Variants in VAV2 observed in about 807,000 individuals in gnomAD.
VAV2 encodes the protein vav guanine nucleotide exchange factor 2, also known as guanine nucleotide exchange factor VAV2.
VAV2 carries 67 observed loss-of-function variants against 132.5 expected under a neutral mutation model. The ratio of observed to expected loss-of-function variants is 0.51; its 90% CI spans 0.42 to 0.62. The LOEUF (loss-of-function observed/expected upper bound fraction) is 0.62. Among genes scored for constraint, VAV2 ranks in the 20% least tolerant of loss-of-function variants. The pLI, the probability that VAV2 is intolerant of heterozygous loss-of-function variation, is 0.00. For synonymous variants in VAV2, 492 were observed against 443.5 expected (o/e 1.11, Z -1.37); for missense variants, 938 against 1,153.6 (o/e 0.81, Z 2.71).
intron 2 of VAV2, among the ~76,000 whole-genome samples, chr9:133,869,257 G>T (rs1383203389): frequency 6.6e-6 from 1 of 151,902 alleles, no homozygotes; most frequent in East Asian, 1.9e-4. Context: ...CAAAGTGCCG[G>T]GATTACAGGC....
intron 19 of VAV2, 122 bp downstream of exon 19, chr9:133,783,381 G>T: frequency 1.1e-6 from 1 of 887,006 alleles, no homozygotes; most frequent in Non-Finnish European, 1.9e-6. Context: ...GTGAGCACTG[G>T]TGCCCTCATC....
rs752687596 is a variant in VAV2 at position 133,768,936 on chromosome 9, T to A, written c.2435-340A>T. 3.9e-5 allele frequency among the ~76,000 whole-genome samples: 6 copies of A among 152,078 alleles called. No homozygotes were observed. Among genetic ancestry groups the A allele is most frequent in the Non-Finnish European group, 7.4e-5 (5 of 68,012 alleles). On this transcript the variant is annotated intron_variant, in intron 28 of 29. Transcript: ENST00000371850. The surrounding 1 kb of genome is among the most constrained non-coding windows in gnomAD (Gnocchi z 5.3). Reference sequence around the variant, plus strand: ...GAACCAGCTTGGCCCAGATGCAGAATCCTGATAGACAGGTGACAATGACCA... The same window carrying A: ...GAACCAGCTTGGCCCAGATGCAGAAACCTGATAGACAGGTGACAATGACCA...
chr9:133,785,089 C>T (rs775516046), intron 17 of VAV2, among the ~76,000 whole-genome samples: 19 of 152,150 alleles, frequency 1.2e-4, no homozygotes, highest in African/African-American at 2.9e-4. Flanking sequence ...TCTATTCTCA[C>T]GAGCCAGGCC....
At chr9:133,864,957 T>C (rs1338520158) in intron 2 of VAV2, among the ~76,000 whole-genome samples, 1 of 152,218 alleles carries the variant, frequency 6.6e-6, no homozygotes, top group Non-Finnish European at 1.5e-5. Flanking sequence ...CTTCAGGTTG[T>C]AGGCCCATCA....
chr9:133,774,887 G>A, intron 25 of VAV2, 48 bp downstream of exon 25: 1 of 1,541,076 alleles, frequency 6.5e-7, no homozygotes, highest in Non-Finnish European at 8.9e-7. Context: ...CTCCACTTCA[G>A]AACGGCATTG....
At chr9:133,923,529 T>C (rs1255666978) in intron 2 of VAV2, among the ~76,000 whole-genome samples, 2 of 152,200 alleles carry the variant, frequency 1.3e-5, no homozygotes, top group African/African-American at 4.8e-5. Flanking sequence ...ATAGGAACGC[T>C]TTTACACTGT....
chr9:133,947,613 C>T (rs996417865), intron 1 of VAV2, among the ~76,000 whole-genome samples: 28 of 150,708 alleles, frequency 1.9e-4, no homozygotes, highest in Non-Finnish European at 7.4e-5. Flanking sequence ...GCAGAAGAAT[C>T]GATTGAACTC....
In VAV2 at chr9:133,852,100, C is replaced by A. The variant is rs141998905; in HGVS notation, c.380+9274G>T. On this transcript the variant is annotated intron_variant, in intron 3 of 29. Coordinates refer to ENST00000371850, the MANE Select transcript of VAV2 (RefSeq NM_001134398.2). ...ACGGGCTGATGAGTGGACAGATGGA[C>A]AAACTGAAGAATGGATGGGTGGATG... Among the ~76,000 whole-genome samples the A allele has an allele frequency of 3.3e-3, 502 of 151,082 alleles. 1 individual carries two copies. Among genetic ancestry groups the A allele is most frequent in the Non-Finnish European group, 5.6e-3 (378 of 67,800 alleles).
chr9:133,805,222 T>C (rs1409444279), intron 9 of VAV2, among the ~76,000 whole-genome samples: 1 of 152,126 alleles, frequency 6.6e-6, no homozygotes, highest in South Asian at 2.1e-4. Flanking sequence ...AAGATGCACC[T>C]GTGGGGTCTT....
intron 1 of VAV2, among the ~76,000 whole-genome samples, chr9:133,974,408 C>T (rs1171316877): frequency 1.3e-5 from 2 of 152,154 alleles, no homozygotes; most frequent in Admixed American, 6.5e-5. Flanking sequence ...TGGGAGTGGA[C>T]GTCAGGTGAG....
chr9:133,764,132 G>T, intron 29 of VAV2, 23 bp from the exon 30 acceptor site: 1 of 1,586,132 alleles, frequency 6.3e-7, no homozygotes, highest in Non-Finnish European at 8.6e-7. Flanking sequence ...GTAAGATCGT[G>T]TCTGTGTGTG....
At chr9:133,795,607 G>A in intron 12 of VAV2, 61 bp downstream of exon 12, 1 of 1,591,526 alleles carries the variant, frequency 6.3e-7, no homozygotes, top group Non-Finnish European at 8.6e-7. Context: ...CCCAATTCCA[G>A]TCCAAGAACA....
intron 2 of VAV2, among the ~76,000 whole-genome samples, chr9:133,938,047 G>A (rs902487020): frequency 1.3e-5 from 2 of 152,212 alleles, no homozygotes; most frequent in African/African-American, 2.4e-5. Context: ...TCTCAGAACC[G>A]ACTTCTCAGC....
intron 2 of VAV2, among the ~76,000 whole-genome samples, chr9:133,907,179 C>G (rs182806636): frequency 6.6e-6 from 1 of 152,240 alleles, no homozygotes; most frequent in South Asian, 2.1e-4. Flanking sequence ...TGCCAGCCCA[C>G]GCTGGGCACA....
At chr9:133,990,338 C>T (rs1231419151) in intron 1 of VAV2, among the ~76,000 whole-genome samples, 1 of 152,154 alleles carries the variant, frequency 6.6e-6, no homozygotes, top group Admixed American at 6.5e-5. Flanking sequence ...GCTGCCTGGC[C>T]AATGGCTCCA....
chr9:133,964,070 A>ATATGTATAT (rs1564507864), intron 1 of VAV2, among the ~76,000 whole-genome samples: 4 of 89,384 alleles, frequency 4.5e-5, no homozygotes, highest in African/African-American at 1.5e-4. Flanking sequence ...CATATATATA[A>ATATGTATAT]ATGAATAGGC....
intron 4 of VAV2, among the ~76,000 whole-genome samples, chr9:133,832,240 C>T (rs1229326103): frequency 2.0e-5 from 3 of 152,200 alleles, no homozygotes; most frequent in Non-Finnish European, 2.9e-5. Context: ...GCTGAGGGGG[C>T]GCTGGCCAGG....
intron 1 of VAV2, among the ~76,000 whole-genome samples, chr9:133,970,941 A>G (rs754565185): frequency 6.6e-6 from 1 of 152,314 alleles, no homozygotes; most frequent in Non-Finnish European, 1.5e-5. Flanking sequence ...TGACAGGCCA[A>G]TTTCTCCCAA....
At chr9:133,979,908 C>G (rs1292671793) in intron 1 of VAV2, among the ~76,000 whole-genome samples, 1 of 152,248 alleles carries the variant, frequency 6.6e-6, no homozygotes, top group Non-Finnish European at 1.5e-5. Flanking sequence ...TGCCTTCTCT[C>G]TCTCATCTGA....
Sources: gnomAD v4.1 joint callset for allele counts (sites outside exome capture counted in the v4.1 genomes callset) on GRCh38, gnomAD v4.1.1 for gene constraint, Gnocchi (gnomAD v3.1) non-coding constraint, MANE v1.5 for transcripts, NCBI Gene and HGNC (gene_info 2026-07-23, HGNC 2026-07-21) for gene names.